Variants in LATS2 observed in about 807,000 individuals in gnomAD.
The protein encoded by LATS2 is serine/threonine-protein kinase LATS2.
A neutral mutation model predicts 76.0 loss-of-function variants in LATS2; 24 were observed. The ratio of observed to expected loss-of-function variants is 0.32; its 90% CI spans 0.23 to 0.44. LATS2 has a LOEUF of 0.44. Ranked by LOEUF, LATS2 falls within the 20% of genes least tolerant of loss-of-function variation. The pLI is 1.00. For missense variants in LATS2, 1,286 were observed against 1,481.2 expected, an observed-to-expected ratio of 0.87 and a Z score of 2.16; for synonymous variants, 692 against 635.4, an observed-to-expected ratio of 1.09 and a Z score of -1.34.
At chr13:20,983,151 A>T in intron 5 of LATS2, 73 bp downstream of exon 5, 1 of 1,035,080 alleles carries the variant, frequency 9.7e-7, no homozygotes. Flanking sequence ...CTAGGATGGG[A>T]AATTTAGTTG....
intron 1 of LATS2, among the ~76,000 whole-genome samples, chr13:21,055,435 CA>C (rs1873419911): frequency 6.6e-6 from 1 of 152,162 alleles, no homozygotes; most frequent in Non-Finnish European, 1.5e-5. Flanking sequence ...TAACAACTCA[CA>C]AAACAAAAAC....
intron 3 of LATS2, 39 bp from the exon 4 acceptor site, chr13:20,989,343 T>C: frequency 6.2e-7 from 1 of 1,607,362 alleles, no homozygotes; most frequent in Non-Finnish European, 8.5e-7. Context: ...TCAGAGTGGG[T>C]GTGATCAGTG....
intron 2 of LATS2, among the ~76,000 whole-genome samples, chr13:21,025,974 T>C (rs1178979673): frequency 1.3e-5 from 2 of 152,154 alleles, no homozygotes; most frequent in Non-Finnish European, 2.9e-5. Context: ...TTTTGCCTGA[T>C]GTTTTGCAAG....
At chr13:21,043,371 A>G (rs932766570) in intron 2 of LATS2, among the ~76,000 whole-genome samples, 1 of 152,166 alleles carries the variant, frequency 6.6e-6, no homozygotes, top group African/African-American at 2.4e-5. Context: ...CTGAATTCAA[A>G]TCATCTTTTT....
chr13:21,045,622 T>C, intron 2 of LATS2, 63 bp downstream of exon 2: 2 of 1,346,918 alleles, frequency 1.5e-6, no homozygotes, highest in South Asian at 2.7e-5. Flanking sequence ...GCCAAACCAT[T>C]CTGACTGCCC....
Position 20,991,821 on chromosome 13 carries a change from G to A in LATS2, c.343-417C>T, listed in dbSNP as rs574973482. ...CTCAGCTCACCTCCAGGCTAACTCT[G>A]GGACTAGGAAACCTGTCCCCAGGGA... On this transcript the variant is annotated intron_variant, in intron 2 of 7. Transcript: ENST00000382592. The surrounding 1 kb of genome is among the most constrained non-coding windows in gnomAD (Gnocchi z 4.9). Among the ~76,000 whole-genome samples, 130 of 152,316 alleles carry A rather than the reference G, an allele frequency of 8.5e-4. No homozygotes were observed. The highest frequency in any genetic ancestry group is 2.9e-3 in the African/African-American group (121 of 41,572).
intron 7 of LATS2, among the ~76,000 whole-genome samples, chr13:20,978,408 G>A (rs1356981860): frequency 6.6e-6 from 1 of 152,108 alleles, no homozygotes; most frequent in East Asian, 1.9e-4. Flanking sequence ...ATTTCAGAAA[G>A]CAAATGGCTG....
intron 2 of LATS2, among the ~76,000 whole-genome samples, chr13:21,009,827 C>T (rs1360800617): frequency 1.3e-5 from 2 of 152,198 alleles, no homozygotes; most frequent in African/African-American, 2.4e-5. Context: ...TATGAGATCA[C>T]CTGGGTCCTT....
rs1406252311 is a variant in LATS2 at position 21,000,841 on chromosome 13, TATAAAATGTTATGTCTCTTAG to T, written c.343-9458_343-9438del. On this transcript the variant is annotated intron_variant, in intron 2 of 7. Coordinates refer to ENST00000382592, the MANE Select transcript of LATS2 (RefSeq NM_014572.3). ...AAACAACATGAAAAAATGCTGATTG[TATAAAATGTTATGTCTCTTAG>T]TAACTATGTACACAAATCAGTTATG... Among the ~76,000 whole-genome samples the T allele has an allele frequency of 3.3e-5, 5 of 152,210 alleles. No homozygotes were observed. The South Asian group carries it at 8.3e-4, about 25-fold the overall frequency.
chr13:20,988,952 C>T lies in LATS2; in HGVS notation c.828G>A (p.Gln276=). The T allele has an allele frequency of 6.5e-7, 1 of 1,536,072 alleles. No homozygotes were observed. Among genetic ancestry groups the T allele is most frequent in the Non-Finnish European group, 8.7e-7 (1 of 1,145,976 alleles). ...CCCCGGTCTCCGGCGGCGTCTTGCT[C>T]TGGAAGGAGGGGCTGCGCTGCACTC... ...GYGVQRSPSF[Q]SKTPPETGGY... Residue 276 remains glutamine, a synonymous_variant, in exon 4 of 8, where the codon CAG becomes CAA. Coordinates refer to ENST00000382592, the MANE Select transcript of LATS2 (RefSeq NM_014572.3).
chr13:20,998,647 G>A (rs902096077), intron 2 of LATS2, among the ~76,000 whole-genome samples: 3 of 152,226 alleles, frequency 2.0e-5, no homozygotes, highest in Non-Finnish European at 4.4e-5. Flanking sequence ...CCGGGCCCAG[G>A]CCTCCTCTAA....
chr13:21,019,695 T>G (rs1595238985), intron 2 of LATS2, among the ~76,000 whole-genome samples: 2 of 137,494 alleles, frequency 1.5e-5, no homozygotes, highest in South Asian at 2.5e-4. Flanking sequence ...AAAAGGCGGC[T>G]GGGCGTGGTG....
chr13:20,979,870 G>C, intron 6 of LATS2, 73 bp from the exon 7 acceptor site: 1 of 820,920 alleles, frequency 1.2e-6, no homozygotes, highest in Non-Finnish European at 2.0e-6. Context: ...TTAAGATGCT[G>C]AACATACAGA....
At position 20,988,982 on chromosome 13, in the gene LATS2, G is replaced by T; in HGVS notation, c.798C>A (p.Gly266=). The T allele has an allele frequency of 6.5e-7, 1 of 1,542,758 alleles. No individual in the cohort carries two copies. ...AGGAGGGGCTGCGCTGCACTCCGTAGCCCAGGGGTTCCCCAGGCACCAGCA... is the reference window on the plus strand; with the variant it reads ...AGGAGGGGCTGCGCTGCACTCCGTATCCCAGGGGTTCCCCAGGCACCAGCA... ...PHLLVPGEPL[G]YGVQRSPSFQ... Residue 266 remains glycine, a synonymous_variant, in exon 4 of 8, where the codon GGC becomes GGA. Transcript: ENST00000382592.
intron 2 of LATS2, among the ~76,000 whole-genome samples, chr13:21,041,970 G>A (rs911613007): frequency 3.9e-5 from 6 of 152,122 alleles, no homozygotes; most frequent in Non-Finnish European, 7.3e-5. Context: ...CCAGGCTTCC[G>A]CAGAACAGAA....
chr13:21,030,952 C>T (rs1426810657), intron 2 of LATS2, among the ~76,000 whole-genome samples: 4 of 151,584 alleles, frequency 2.6e-5, no homozygotes, highest in African/African-American at 4.9e-5. Flanking sequence ...AATGTCTTTA[C>T]GACACTTTCA....
intron 4 of LATS2, among the ~76,000 whole-genome samples, chr13:20,987,446 G>T (rs935694280): frequency 7.2e-5 from 11 of 152,236 alleles, no homozygotes; most frequent in African/African-American, 2.4e-4. Flanking sequence ...ACACTTAAAA[G>T]AATAAATGGA....
chr13:21,008,834 C>T (rs1407350073), intron 2 of LATS2, among the ~76,000 whole-genome samples: 2 of 152,028 alleles, frequency 1.3e-5, no homozygotes, highest in African/African-American at 2.4e-5. Flanking sequence ...ATTCCACTTC[C>T]ACCCCCTAGA....
chr13:21,008,332 G>A lies in LATS2; in HGVS notation c.343-16928C>T, dbSNP rs543027922. On this transcript the variant is annotated intron_variant, in intron 2 of 7. Coordinates refer to ENST00000382592, the MANE Select transcript of LATS2 (RefSeq NM_014572.3). ...GCTGCTCCAGACTACAGCCTTGGGC[G>A]TGGGGTGGGGTGGGGTCTCCTCAGT... Among the ~76,000 whole-genome samples the A allele has an allele frequency of 1.8e-4, 28 of 152,058 alleles. 1 individual carries two copies. The South Asian group carries it at 4.4e-3, about 24-fold the overall frequency.
Sources: gnomAD v4.1 joint callset for allele counts (sites outside exome capture counted in the v4.1 genomes callset) on GRCh38, gnomAD v4.1.1 for gene constraint, Gnocchi (gnomAD v3.1) non-coding constraint, MANE v1.5 for transcripts, NCBI Gene and HGNC (gene_info 2026-07-23, HGNC 2026-07-21) for gene names.